Variants in PCDHGA6 observed in about 807,000 individuals in gnomAD.
The protein encoded by PCDHGA6 is protocadherin gamma subfamily A, 6, also known as protocadherin gamma-A6.
A neutral mutation model predicts 60.6 loss-of-function variants in PCDHGA6; 41 were observed. The observed-to-expected ratio is 0.68, with a 90% CI of 0.53 to 0.88. PCDHGA6 has a LOEUF of 0.88. Among genes scored for constraint, PCDHGA6 ranks in the 40% least tolerant of loss-of-function variants. The pLI, the probability that PCDHGA6 is intolerant of heterozygous loss-of-function variation, is 0.00. For synonymous variants in PCDHGA6, 594 were observed against 524.4 expected (o/e 1.13, Z -1.81); for missense variants, 1,312 against 1,203.0 (o/e 1.09, Z -1.34).
intron 1 of PCDHGA6, chr5:141,393,092 G>A (rs2092676024): frequency 6.2e-7 from 1 of 1,613,644 alleles, no homozygotes; most frequent in Non-Finnish European, 8.5e-7. Flanking sequence ...TAGATCGGGA[G>A]GAGCTCTGCG....
At chr5:141,416,186 T>G (rs904230611) in intron 1 of PCDHGA6, 2 of 152,474 alleles carry the variant, frequency 1.3e-5, no homozygotes, top group African/African-American at 4.8e-5. Flanking sequence ...TTCATTAATA[T>G]TGAATTAACA....
chr5:141,419,010 G>A (rs2096312778), intron 1 of PCDHGA6: 2 of 1,613,866 alleles, frequency 1.2e-6, no homozygotes, highest in Non-Finnish European at 8.5e-7. Flanking sequence ...GAAGTCAGGT[G>A]TAGCTTAAGT....
chr5:141,504,763 C>G (rs1057360921), intron 2 of PCDHGA6, among the ~76,000 whole-genome samples: 5 of 152,018 alleles, frequency 3.3e-5, no homozygotes, highest in African/African-American at 1.2e-4. Context: ...AATTTCTTCT[C>G]CCTGCTCCAG....
chr5:141,383,093 G>C, intron 1 of PCDHGA6: 1 of 1,613,930 alleles, frequency 6.2e-7, no homozygotes. Context: ...CGCGGAGTCC[G>C]CATCATCTCC....
At chr5:141,395,620 CAAG>C (rs1298520628) in intron 1 of PCDHGA6, 1 of 189,326 alleles carries the variant, frequency 5.3e-6, no homozygotes, top group Non-Finnish European at 1.1e-5. Flanking sequence ...AGAAAATTAT[CAAG>C]AAGTCTAAAG....
intron 1 of PCDHGA6, among the ~76,000 whole-genome samples, chr5:141,407,088 G>T (rs955657125): frequency 4.6e-5 from 7 of 152,058 alleles, no homozygotes; most frequent in African/African-American, 1.7e-4. Context: ...ATGAAGAATT[G>T]TTTTATTTGT....
chr5:141,438,591 CATATATATATATATAT>C (rs946798767), intron 1 of PCDHGA6, among the ~76,000 whole-genome samples: 4 of 75,562 alleles, frequency 5.3e-5, no homozygotes, highest in East Asian at 3.5e-4. Context: ...TACATACATA[CATATATATATATATAT>C]ATATATATAT....
At chr5:141,438,579 CAT>C (rs2097974137) in intron 1 of PCDHGA6, among the ~76,000 whole-genome samples, 1 of 55,780 alleles carries the variant, frequency 1.8e-5, no homozygotes, top group Admixed American at 2.8e-4. Context: ...GATATACATA[CAT>C]ACATACATAC....
At chr5:141,406,870 G>T (rs903338003) in intron 1 of PCDHGA6, among the ~76,000 whole-genome samples, 1 of 152,230 alleles carries the variant, frequency 6.6e-6, no homozygotes, top group Non-Finnish European at 1.5e-5. Flanking sequence ...CTCAGGAACT[G>T]CTGGGAAGAT....
intron 1 of PCDHGA6, among the ~76,000 whole-genome samples, chr5:141,450,829 A>AT (rs373424450): frequency 7.2e-4 from 97 of 135,128 alleles, no homozygotes; most frequent in East Asian, 1.8e-3. Flanking sequence ...TATTATTATT[A>AT]TTTTTTTTTT....
chr5:141,420,477 A>T (rs1469261817), intron 1 of PCDHGA6: 3 of 626,262 alleles, frequency 4.8e-6, no homozygotes, highest in Non-Finnish European at 7.0e-6. Flanking sequence ...TTTAAAGCAA[A>T]CTACATGGGT....
chr5:141,430,493 C>G (rs1232369484), intron 1 of PCDHGA6: 1 of 285,344 alleles, frequency 3.5e-6, no homozygotes, highest in African/African-American at 2.2e-5. Flanking sequence ...ACGAAATATC[C>G]TTTCTGGGAG....
chr5:141,432,366 A>T lies in PCDHGA6; in HGVS notation c.2424+55859A>T. The T allele has an allele frequency of 6.2e-7, 1 of 1,614,204 alleles. No homozygotes were observed. Among genetic ancestry groups the T allele is most frequent in the Non-Finnish European group, 8.5e-7 (1 of 1,180,034 alleles). On this transcript the variant is annotated intron_variant, in intron 1 of 3. Coordinates refer to ENST00000517434, the MANE Select transcript of PCDHGA6 (RefSeq NM_018919.3). This position sits in a 1 kb window ranked among gnomAD's most constrained non-coding sequence, Gnocchi z 6.0. Reference sequence around the variant, plus strand: ...TTGCAAGTGAAAGTGATGGCGCGGGACAACGGGCACCCGCCCCTCAGCAGC... The same window carrying T: ...TTGCAAGTGAAAGTGATGGCGCGGGTCAACGGGCACCCGCCCCTCAGCAGC...
At chr5:141,488,183 T>C (rs1249953031) in intron 1 of PCDHGA6, among the ~76,000 whole-genome samples, 1 of 152,148 alleles carries the variant, frequency 6.6e-6, no homozygotes, top group Non-Finnish European at 1.5e-5. Flanking sequence ...CATAGATCTT[T>C]TGGTCTGGGT....
intron 1 of PCDHGA6, among the ~76,000 whole-genome samples, chr5:141,386,853 G>C (rs932816835): frequency 2.0e-5 from 3 of 152,230 alleles, no homozygotes; most frequent in African/African-American, 4.8e-5. Context: ...ACTAAACTCA[G>C]TGAGCTATTG....
intron 1 of PCDHGA6, chr5:141,404,904 AG>A: frequency 3.1e-6 from 5 of 1,613,864 alleles, no homozygotes; most frequent in Non-Finnish European, 4.2e-6. Flanking sequence ...GACCATGGCC[AG>A]CCCCCTCTCT....
At chr5:141,497,307 C>T (rs1295364802) in intron 2 of PCDHGA6, among the ~76,000 whole-genome samples, 1 of 152,096 alleles carries the variant, frequency 6.6e-6, no homozygotes, top group Non-Finnish European at 1.5e-5. Flanking sequence ...CCAGGCCATA[C>T]ACTGGCTTTG....
chr5:141,376,681 T>TTTTTTG, intron 1 of PCDHGA6, 174 bp downstream of exon 1: 1 of 745,704 alleles, frequency 1.3e-6, no homozygotes, highest in Non-Finnish European at 2.0e-6. Context: ...GTATCGTTTT[T>TTTTTTG]TTTTTTTTTT....
chr5:141,483,648 TTGTG>T (rs111458813), intron 1 of PCDHGA6, among the ~76,000 whole-genome samples: 10 of 149,592 alleles, frequency 6.7e-5, no homozygotes, highest in Non-Finnish European at 1.0e-4. Flanking sequence ...GGGTGTGTGT[TTGTG>T]TGTGTGTGTG....
Sources: gnomAD v4.1 joint callset for allele counts (sites outside exome capture counted in the v4.1 genomes callset) on GRCh38, gnomAD v4.1.1 for gene constraint, Gnocchi (gnomAD v3.1) non-coding constraint, MANE v1.5 for transcripts, NCBI Gene and HGNC (gene_info 2026-07-23, HGNC 2026-07-21) for gene names.